The following ANK3 variants were observed in gnomAD, a reference collection of about 807,000 sequenced individuals.
ANK3 encodes ankyrin-3.
ANK3 carries 57 observed loss-of-function variants against 370.9 expected under a neutral mutation model. That is an observed-to-expected ratio of 0.15 (90% CI 0.12 to 0.19). The LOEUF (loss-of-function observed/expected upper bound fraction) is 0.19. Among genes scored for constraint, ANK3 ranks in the 10% least tolerant of loss-of-function variants. ANK3 has a pLI of 1.00. For synonymous variants in ANK3, 1,929 were observed against 1,946.3 expected (o/e 0.99, Z 0.23); for missense variants, 4,439 against 5,302.1 (o/e 0.84, Z 5.06).
chr10:60,360,666 C>A (rs2058464679), intron 1 of ANK3, among the ~76,000 whole-genome samples: 1 of 152,096 alleles, frequency 6.6e-6, no homozygotes, highest in Non-Finnish European at 1.5e-5. Context: ...CGCCACTGTA[C>A]TCCAGCCTGG....
At chr10:60,204,492 T>C (rs929256408) in intron 11 of ANK3, among the ~76,000 whole-genome samples, 26 of 152,222 alleles carry the variant, frequency 1.7e-4, no homozygotes, top group Non-Finnish European at 8.8e-5. Context: ...CAAATCAGTA[T>C]TCATATTGTC....
intron 1 of ANK3, among the ~76,000 whole-genome samples, chr10:60,724,155 A>G: frequency 8.1e-6 from 1 of 122,964 alleles, no homozygotes; most frequent in Admixed American, 9.6e-5. Flanking sequence ...GCTTGCAGTG[A>G]GCCGAGATCG....
intron 2 of ANK3, among the ~76,000 whole-genome samples, chr10:60,589,952 G>C (rs1460002349): frequency 1.3e-5 from 2 of 152,046 alleles, no homozygotes; most frequent in African/African-American, 4.8e-5. Flanking sequence ...CTGCTACTTG[G>C]ATTTCTAAAA....
At chr10:60,341,466 T>C (rs1316232822) in intron 1 of ANK3, among the ~76,000 whole-genome samples, 1 of 152,174 alleles carries the variant, frequency 6.6e-6, no homozygotes, top group East Asian at 1.9e-4. Flanking sequence ...TTAGGGCTCA[T>C]AATTAATTGA....
chr10:60,660,056 A>C (rs1451292692), intron 1 of ANK3, among the ~76,000 whole-genome samples: 1 of 152,076 alleles, frequency 6.6e-6, no homozygotes, highest in East Asian at 1.9e-4. Flanking sequence ...GTATATATGA[A>C]GGTACATAAG....
chr10:60,495,751 C>T (rs1411339364), intron 2 of ANK3, among the ~76,000 whole-genome samples: 1 of 152,034 alleles, frequency 6.6e-6, no homozygotes, highest in Non-Finnish European at 1.5e-5. Flanking sequence ...AATCAATTTG[C>T]AATTTTATAA....
intron 37 of ANK3, 106 bp downstream of exon 37, chr10:60,068,531 A>G (rs779757091): frequency 2.9e-5 from 35 of 1,214,464 alleles, no homozygotes; most frequent in Non-Finnish European, 4.0e-5. Context: ...GGCAATCACA[A>G]CAGTTCATGC....
chr10:60,176,556 G>A (rs2095963400), intron 18 of ANK3, among the ~76,000 whole-genome samples: 1 of 152,032 alleles, frequency 6.6e-6, no homozygotes, highest in Non-Finnish European at 1.5e-5. Context: ...GAGGTCAGGA[G>A]CTCGAGATCA....
chr10:60,096,699 A>G (rs1338736330), intron 28 of ANK3, among the ~76,000 whole-genome samples: 1 of 152,230 alleles, frequency 6.6e-6, no homozygotes, highest in Admixed American at 6.5e-5. Context: ...CCAAATTGTT[A>G]AAAACATGAC....
intron 1 of ANK3, among the ~76,000 whole-genome samples, chr10:60,703,292 G>A (rs1238523875): frequency 6.6e-6 from 1 of 152,150 alleles, no homozygotes; most frequent in Middle Eastern, 3.2e-3. Context: ...GGTTTTTGGG[G>A]TTTTTTAAAT....
chr10:60,558,812 C>T (rs1404414274), intron 2 of ANK3, among the ~76,000 whole-genome samples: 1 of 151,970 alleles, frequency 6.6e-6, no homozygotes, highest in Non-Finnish European at 1.5e-5. Flanking sequence ...TTTTCTAAAG[C>T]AATTTATAAG....
intron 1 of ANK3, chr10:60,685,199 T>TC: frequency 2.4e-6 from 1 of 408,934 alleles, no homozygotes. Context: ...AAGCTTTGTA[T>TC]TGTTCAATGA....
intron 8 of ANK3, among the ~76,000 whole-genome samples, chr10:60,226,517 T>TATAC (rs2097154706): frequency 6.7e-5 from 3 of 44,538 alleles, no homozygotes; most frequent in Non-Finnish European, 7.6e-5. Context: ...ATACATAGTA[T>TATAC]ATATACTATA....
At chr10:60,615,516 T>C (rs1235273746) in intron 1 of ANK3, among the ~76,000 whole-genome samples, 1 of 152,034 alleles carries the variant, frequency 6.6e-6, no homozygotes, top group Non-Finnish European at 1.5e-5. Flanking sequence ...CCAGATACAT[T>C]AAAAAAGTAT....
chr10:60,615,772 A>G, intron 1 of ANK3, among the ~76,000 whole-genome samples: 1 of 152,188 alleles, frequency 6.6e-6, no homozygotes, highest in East Asian at 1.9e-4. Flanking sequence ...AAGAGATGAC[A>G]TGGTTCCTAT....
intron 40 of ANK3, chr10:60,059,960 G>C: frequency 6.2e-7 from 1 of 1,611,394 alleles, no homozygotes; most frequent in South Asian, 1.1e-5. Flanking sequence ...GTGGTGTGTA[G>C]TGCAACCCTG....
intron 42 of ANK3, chr10:60,043,737 A>C (rs2076499731): frequency 7.1e-6 from 7 of 985,456 alleles, no homozygotes; most frequent in Non-Finnish European, 8.4e-6. Flanking sequence ...ACTCTGCTGA[A>C]GGCCAAGCCC....
intron 1 of ANK3, among the ~76,000 whole-genome samples, chr10:60,693,473 G>C (rs544894763): frequency 5.1e-4 from 78 of 152,378 alleles, no homozygotes; most frequent in Middle Eastern, 3.4e-3. Flanking sequence ...AAAGACAGCA[G>C]TAACCTCTGC....
intron 2 of ANK3, among the ~76,000 whole-genome samples, chr10:60,538,423 A>G (rs1467373294): frequency 6.6e-6 from 1 of 151,856 alleles, no homozygotes; most frequent in East Asian, 1.9e-4. Context: ...TGGAAAAGCA[A>G]ATCAACTCTT....
Sources: gnomAD v4.1 joint callset for allele counts (sites outside exome capture counted in the v4.1 genomes callset) on GRCh38, gnomAD v4.1.1 for gene constraint, MANE v1.5 for transcripts, NCBI Gene and HGNC (gene_info 2026-07-23, HGNC 2026-07-21) for gene names.